The following ZFYVE9 variants were observed in gnomAD, a reference collection of about 807,000 sequenced individuals.
ZFYVE9 encodes the protein zinc finger FYVE domain-containing protein 9.
ZFYVE9 carries 43 observed loss-of-function variants against 126.7 expected under a neutral mutation model. The observed-to-expected ratio is 0.34, with a 90% confidence interval of 0.27 to 0.44. The LOEUF is 0.44. Ranked by LOEUF, ZFYVE9 falls within the 20% of genes least tolerant of loss-of-function variation. The pLI is 1.00. For missense variants in ZFYVE9, 1,476 were observed against 1,697.0 expected, an observed-to-expected ratio of 0.87 and a Z score of 2.29; for synonymous variants, 521 against 597.4, an observed-to-expected ratio of 0.87 and a Z score of 1.87.
At chr1:52,214,765 C>T (rs917909902) in intron 1 of ZFYVE9, among the ~76,000 whole-genome samples, 3 of 152,170 alleles carry the variant, frequency 2.0e-5, no homozygotes, top group South Asian at 2.1e-4. Flanking sequence ...AAGCTGGAGA[C>T]CCAGGAAAGC....
chr1:52,269,691 A>G (rs1311422193), intron 7 of ZFYVE9, among the ~76,000 whole-genome samples: 1 of 152,168 alleles, frequency 6.6e-6, no homozygotes, highest in African/African-American at 2.4e-5. Flanking sequence ...GCAGAGGGTG[A>G]CAGCCAGAAC....
chr1:52,323,255 C>T (rs1319838795), intron 13 of ZFYVE9, among the ~76,000 whole-genome samples: 3 of 152,226 alleles, frequency 2.0e-5, no homozygotes, highest in Non-Finnish European at 2.9e-5. Context: ...AAGCCTTTGG[C>T]TTTTCCCTCA....
At chr1:52,251,026 TTTGTTGTTGTTGTTGTTG>T (rs200636201) in intron 4 of ZFYVE9, among the ~76,000 whole-genome samples, 30 of 146,924 alleles carry the variant, frequency 2.0e-4, no homozygotes, top group Admixed American at 4.1e-4. Context: ...TTCAGTCGTT[TTTGTTGTTGTTGTTGTTG>T]TTGTTGTTGT....
chr1:52,300,157 T>C (rs554302981), intron 12 of ZFYVE9, among the ~76,000 whole-genome samples: 10 of 152,334 alleles, frequency 6.6e-5, no homozygotes. Flanking sequence ...CTCTCCAGCA[T>C]ACTTCCACAG....
At chr1:52,193,944 A>T (rs950814905) in intron 1 of ZFYVE9, among the ~76,000 whole-genome samples, 1 of 152,096 alleles carries the variant, frequency 6.6e-6, no homozygotes, top group African/African-American at 2.4e-5. Context: ...AAATTATGAT[A>T]TGGTTATATT....
rs1243575029 is a variant in ZFYVE9, at chr1:52,238,280, T to C, written c.863T>C (p.Ile288Thr). 3.1e-6 allele frequency: 5 copies of C among 1,613,926 alleles called. No homozygotes were observed. The Admixed American group carries it at 8.3e-5, about 27-fold the overall frequency. The stretch of plus-strand genomic sequence containing the variant: ...GCTGTTAAAAAGCAAGAGAACTATA[T>C]ACCAGATGAGGACCTCACTGGCAAA... ...CPAVKKQENY[I>T]PDEDLTGKIS... is the part of the protein sequence containing the mutation. The change falls in exon 4 of 19, where the codon ATA becomes ACA. Residue 288 changes from isoleucine to threonine, a missense_variant. Transcript: ENST00000287727.
intron 1 of ZFYVE9, among the ~76,000 whole-genome samples, chr1:52,168,816 A>G (rs1484968687): frequency 3.9e-5 from 6 of 152,164 alleles, no homozygotes; most frequent in Non-Finnish European, 8.8e-5. Context: ...ACGCCTAGCC[A>G]GATTAGATTC....
chr1:52,182,289 C>T (rs1644717175), intron 1 of ZFYVE9, among the ~76,000 whole-genome samples: 1 of 151,958 alleles, frequency 6.6e-6, no homozygotes, highest in South Asian at 2.1e-4. Flanking sequence ...ATGACAGTGG[C>T]GGTTTTGTGG....
chr1:52,266,954 A>C (rs1440129366), intron 6 of ZFYVE9, 123 bp downstream of exon 6: 1 of 853,230 alleles, frequency 1.2e-6, no homozygotes, highest in Non-Finnish European at 1.7e-6. Context: ...GGTGGTTATT[A>C]AAATGGAACA....
At chr1:52,182,285 G>C (rs1227689085) in intron 1 of ZFYVE9, among the ~76,000 whole-genome samples, 1 of 152,244 alleles carries the variant, frequency 6.6e-6, no homozygotes, top group African/African-American at 2.4e-5. Context: ...CATGATGACA[G>C]TGGCGGTTTT....
At chr1:52,158,987 T>A (rs987042032) in intron 1 of ZFYVE9, among the ~76,000 whole-genome samples, 9 of 151,846 alleles carry the variant, frequency 5.9e-5, no homozygotes, top group Admixed American at 3.3e-4. Flanking sequence ...AGAGACGGGG[T>A]TTCACCATGT....
rs965466693 is a variant in ZFYVE9, at chr1:52,237,404, C to T, written c.71-84C>T. Reference sequence around the variant, plus strand: ...ATCCTTGGAATATTTAATTTTCAAACGATAGTTAGAAATGTTATTAACTTA... The same window carrying T: ...ATCCTTGGAATATTTAATTTTCAAATGATAGTTAGAAATGTTATTAACTTA... On this transcript the variant is annotated intron_variant, in intron 3 of 18. Coordinates refer to ENST00000287727, the MANE Select transcript of ZFYVE9 (RefSeq NM_004799.4). 5.8e-6 allele frequency: 7 copies of T among 1,211,386 alleles called. No homozygotes were observed. The East Asian group carries it at 9.9e-5, about 17-fold the overall frequency. The allele number at this position is 1,211,386 out of a possible 1,614,324, so 75.0% of individuals were successfully genotyped here.
rs930866227 is a variant in ZFYVE9 at position 52,142,650 on chromosome 1, G to A, written c.-143+247G>A. Among the ~76,000 whole-genome samples the A allele has an allele frequency of 2.0e-5, 3 of 152,164 alleles. No individual in the cohort carries two copies. The highest frequency in any genetic ancestry group is 4.4e-5 in the Non-Finnish European group (3 of 68,006). On this transcript the variant is annotated intron_variant, in intron 1 of 18. Transcript: ENST00000287727. This position sits in a 1 kb window ranked among gnomAD's most constrained non-coding sequence, Gnocchi z 4.5. ...CCTCGGTTCCGGCGCGGCCGGGTGT[G>A]TGGAGCTGGGGGCCGGCAGGAGCAC...
intron 13 of ZFYVE9, among the ~76,000 whole-genome samples, chr1:52,331,121 G>A (rs1487550145): frequency 4.6e-5 from 7 of 152,138 alleles, no homozygotes; most frequent in South Asian, 2.1e-4. Flanking sequence ...CACCCACCTC[G>A]GCCTCCTAAA....
chr1:52,238,255 G>A lies in ZFYVE9; in HGVS notation c.838G>A (p.Ala280Thr), dbSNP rs1305211886. The A allele has an allele frequency of 3.7e-6, 6 of 1,613,926 alleles. No homozygotes were observed. In the African/African-American group the frequency reaches 4.0e-5, roughly 11 times the overall value. ...ATCCCAGGGAACAGATGGATGTCCT[G>A]CTGTTAAAAAGCAAGAGAACTATAT... ...ISSQGTDGCP[A>T]VKKQENYIPD... The change falls in exon 4 of 19, where the codon GCT becomes ACT. Residue 280 changes from alanine (A) to threonine (T), a missense_variant. Ala to Thr is a moderately conservative substitution (Grantham distance 58). Transcript: ENST00000287727.
Position 52,202,720 on chromosome 1 carries a change from C to T in ZFYVE9, c.-142-13649C>T, listed in dbSNP as rs540454088. Among the ~76,000 whole-genome samples the T allele has an allele frequency of 7.9e-5, 12 of 152,074 alleles. No individual in the cohort carries two copies. In the East Asian group the frequency reaches 2.3e-3, roughly 29 times the overall value. ...TATTTTTTTGAGATGAAGTCTTACT[C>T]TGTCACCCAGGCTGGAGTGCAGTGG... On this transcript the variant is annotated intron_variant, in intron 1 of 18. Coordinates refer to ENST00000287727, the MANE Select transcript of ZFYVE9 (RefSeq NM_004799.4).
intron 13 of ZFYVE9, among the ~76,000 whole-genome samples, chr1:52,325,986 C>T (rs1292473602): frequency 6.6e-6 from 1 of 152,152 alleles, no homozygotes; most frequent in Non-Finnish European, 1.5e-5. Context: ...GTGATTTTTC[C>T]GGGACTCCAA....
At chr1:52,185,839 G>A (rs1007545936) in intron 1 of ZFYVE9, among the ~76,000 whole-genome samples, 5 of 150,492 alleles carry the variant, frequency 3.3e-5, no homozygotes, top group African/African-American at 1.2e-4. Flanking sequence ...AGAATCGCTT[G>A]AACCTGGGAG....
chr1:52,331,778 T>A (rs1232155495), intron 13 of ZFYVE9, among the ~76,000 whole-genome samples: 1 of 150,484 alleles, frequency 6.6e-6, no homozygotes, highest in Non-Finnish European at 1.5e-5. Flanking sequence ...AAACTCTTTT[T>A]TTTTTTTTTA....
Sources: gnomAD v4.1 joint callset for allele counts (sites outside exome capture counted in the v4.1 genomes callset) on GRCh38, gnomAD v4.1.1 for gene constraint, Gnocchi (gnomAD v3.1) non-coding constraint, MANE v1.5 for transcripts, NCBI Gene and HGNC (gene_info 2026-07-23, HGNC 2026-07-21) for gene names.